MTREX: variants seen among roughly 807,000 people sequenced by gnomAD.
MTREX encodes the protein Mtr4 exosome RNA helicase.
Under a neutral mutation model 135.4 loss-of-function variants are expected in MTREX, and 76 were observed. The observed-to-expected ratio is 0.56, with a 90% CI of 0.47 to 0.68. The LOEUF (loss-of-function observed/expected upper bound fraction) is 0.68. Ranked by LOEUF, MTREX falls within the 30% of genes least tolerant of loss-of-function variation. The pLI, the probability that MTREX is intolerant of heterozygous loss-of-function variation, is 0.00. For missense variants in MTREX, 920 were observed against 1,262.1 expected (o/e 0.73, Z 4.11); for synonymous variants, 404 against 401.6 (o/e 1.01, Z -0.07).
At chr5:55,411,704 G>T (rs1161084437) in intron 23 of MTREX, among the ~76,000 whole-genome samples, 1 of 152,116 alleles carries the variant, frequency 6.6e-6, no homozygotes, top group African/African-American at 2.4e-5. Context: ...TCCTGGGATT[G>T]CCTACCATGC....
At chr5:55,379,996 C>T (rs1211538017) in intron 18 of MTREX, among the ~76,000 whole-genome samples, 1 of 152,120 alleles carries the variant, frequency 6.6e-6, no homozygotes, top group East Asian at 1.9e-4. Context: ...AGTACAGTGG[C>T]ACGATCTCGG....
At chr5:55,390,885 C>T (rs1282614145) in intron 19 of MTREX, among the ~76,000 whole-genome samples, 1 of 152,102 alleles carries the variant, frequency 6.6e-6, no homozygotes, top group Admixed American at 6.6e-5. Flanking sequence ...TGAAGATGTT[C>T]TATGGAAATC....
At chr5:55,411,817 A>G (rs1750888424) in intron 23 of MTREX, among the ~76,000 whole-genome samples, 1 of 152,178 alleles carries the variant, frequency 6.6e-6, no homozygotes, top group Non-Finnish European at 1.5e-5. Flanking sequence ...CAAGATAAAG[A>G]TAATTAAGAA....
chr5:55,399,444 A>G (rs917565089), intron 20 of MTREX, among the ~76,000 whole-genome samples: 17 of 152,054 alleles, frequency 1.1e-4, no homozygotes, highest in Admixed American at 8.5e-4. Flanking sequence ...TTAACCATTA[A>G]TCATGTTTTT....
intron 22 of MTREX, among the ~76,000 whole-genome samples, chr5:55,406,686 G>A (rs1260076906): frequency 6.6e-6 from 1 of 152,280 alleles, no homozygotes; most frequent in East Asian, 1.9e-4. Flanking sequence ...TGTCTACACT[G>A]TTCAGTATAG....
chr5:55,340,869 A>G (rs189923920), intron 6 of MTREX, among the ~76,000 whole-genome samples: 12 of 152,094 alleles, frequency 7.9e-5, no homozygotes, highest in African/African-American at 2.4e-4. Context: ...ATGTGAGCCA[A>G]CCGCACCCAG....
chr5:55,343,310 G>A, intron 7 of MTREX, 21 bp from the exon 8 acceptor site: 1 of 1,595,934 alleles, frequency 6.3e-7, no homozygotes, highest in African/African-American at 1.3e-5. Flanking sequence ...ATAGTCCAAA[G>A]TATATATTTA....
At chr5:55,316,543 A>T (rs1405961445) in intron 1 of MTREX, among the ~76,000 whole-genome samples, 1 of 152,192 alleles carries the variant, frequency 6.6e-6, no homozygotes, top group African/African-American at 2.4e-5. Context: ...CCACATGATT[A>T]TTTCAATACA....
At chr5:55,382,021 C>A (rs898517831) in intron 18 of MTREX, among the ~76,000 whole-genome samples, 1 of 151,764 alleles carries the variant, frequency 6.6e-6, no homozygotes, top group African/African-American at 2.4e-5. Flanking sequence ...TTTAAATTTT[C>A]AGTCTTGTTT....
chr5:55,418,989 A>G (rs1188537960), intron 25 of MTREX, among the ~76,000 whole-genome samples: 1 of 152,152 alleles, frequency 6.6e-6, no homozygotes, highest in Non-Finnish European at 1.5e-5. Context: ...GACCACAAGC[A>G]TGTACCACCA....
Position 55,384,889 on chromosome 5 carries a change from C to A in MTREX, c.2053-3085C>A, listed in dbSNP as rs577842393. Among the ~76,000 whole-genome samples the A allele has an allele frequency of 5.3e-5, 8 of 152,268 alleles. No individual in the cohort carries two copies. In the East Asian group the frequency reaches 1.5e-3, roughly 29 times the overall value. Reference sequence around the variant, plus strand: ...CCCAGGAGCTCTGTTAGCAGGAGGGCTCCTCCCACTATCATTTTTAAAACC... The same window carrying A: ...CCCAGGAGCTCTGTTAGCAGGAGGGATCCTCCCACTATCATTTTTAAAACC... On this transcript the variant is annotated intron_variant, in intron 18 of 26. Transcript: ENST00000230640.
chr5:55,360,350 A>G (rs993249385), intron 15 of MTREX, among the ~76,000 whole-genome samples: 1 of 150,812 alleles, frequency 6.6e-6, no homozygotes, highest in South Asian at 2.1e-4. Flanking sequence ...TCATCAGTGG[A>G]TGGACATTTG....
At chr5:55,317,211 T>G (rs1749212651) in intron 1 of MTREX, among the ~76,000 whole-genome samples, 1 of 152,214 alleles carries the variant, frequency 6.6e-6, no homozygotes, top group Non-Finnish European at 1.5e-5. Flanking sequence ...ATGGCTATAG[T>G]GCCCAAAGCA....
At chr5:55,388,448 A>G (rs1750516057) in intron 19 of MTREX, among the ~76,000 whole-genome samples, 1 of 152,172 alleles carries the variant, frequency 6.6e-6, no homozygotes, top group African/African-American at 2.4e-5. Context: ...GTTTGAATCC[A>G]TTCATGCTGT....
intron 15 of MTREX, among the ~76,000 whole-genome samples, chr5:55,362,125 G>C (rs1450156411): frequency 7.4e-6 from 1 of 135,838 alleles, no homozygotes; most frequent in Admixed American, 7.6e-5. Flanking sequence ...GTAGAGACAA[G>C]GTTTTGCCAT....
At chr5:55,393,614 A>T (rs1750602914) in intron 19 of MTREX, among the ~76,000 whole-genome samples, 2 of 152,216 alleles carry the variant, frequency 1.3e-5, no homozygotes, top group South Asian at 2.1e-4. Flanking sequence ...GGGGAAAATT[A>T]AAAAGATTTA....
At chr5:55,357,701 T>G (rs1243817362) in intron 14 of MTREX, among the ~76,000 whole-genome samples, 1 of 152,168 alleles carries the variant, frequency 6.6e-6, no homozygotes, top group African/African-American at 2.4e-5. Context: ...CCTATAGTGG[T>G]TTTTAACTCT....
chr5:55,418,001 G>A (rs917463080), intron 25 of MTREX, among the ~76,000 whole-genome samples: 3 of 151,408 alleles, frequency 2.0e-5, no homozygotes, highest in East Asian at 3.9e-4. Flanking sequence ...TTGGGAGGCC[G>A]AGGCGGGCGG....
intron 16 of MTREX, among the ~76,000 whole-genome samples, chr5:55,369,735 A>G (rs1750164839): frequency 1.3e-5 from 2 of 152,292 alleles, no homozygotes; most frequent in South Asian, 2.1e-4. Context: ...CGAGAAAGTC[A>G]TTTAAAATAT....
Sources: gnomAD v4.1 joint callset for allele counts (sites outside exome capture counted in the v4.1 genomes callset) on GRCh38, gnomAD v4.1.1 for gene constraint, MANE v1.5 for transcripts, NCBI Gene and HGNC (gene_info 2026-07-23, HGNC 2026-07-21) for gene names.